The following ADH5 variants were observed in gnomAD, a reference collection of about 807,000 sequenced individuals.
ADH5 encodes alcohol dehydrogenase 5 (class III), chi polypeptide.
In ADH5, 32 loss-of-function variants were observed where a neutral mutation model predicts 40.3. That is an observed-to-expected ratio of 0.79 (90% CI 0.60 to 1.07). The LOEUF (loss-of-function observed/expected upper bound fraction) is 1.07. Among genes scored for constraint, ADH5 ranks in the 50% least tolerant of loss-of-function variants. The pLI, the probability that ADH5 is intolerant of heterozygous loss-of-function variation, is 0.00. For missense variants in ADH5, 353 were observed against 460.5 expected, an observed-to-expected ratio of 0.77 and a Z score of 2.14; for synonymous variants, 125 against 154.3, an observed-to-expected ratio of 0.81 and a Z score of 1.41.
chr4:99,076,657 G>T (rs767285695), intron 5 of ADH5, 47 bp downstream of exon 5: 12 of 1,600,930 alleles, frequency 7.5e-6, no homozygotes, highest in South Asian at 1.1e-5. Context: ...AAGTTTCACT[G>T]AATTAAATTA....
chr4:99,076,639 T>C, intron 5 of ADH5, 65 bp downstream of exon 5: 2 of 1,595,360 alleles, frequency 1.3e-6, no homozygotes, highest in South Asian at 1.1e-5. Flanking sequence ...AATTTCACTA[T>C]TCCAGGAAAG....
chr4:99,088,509 G>A (rs1224086233), intron 1 of ADH5, among the ~76,000 whole-genome samples, 180 bp downstream of exon 1: 1 of 142,996 alleles, frequency 7.0e-6, no homozygotes, highest in Admixed American at 7.4e-5. Flanking sequence ...CTGAAGAGCC[G>A]AGACAAAGCT....
chr4:99,084,168 G>A (rs930058894), intron 2 of ADH5, among the ~76,000 whole-genome samples: 4 of 152,178 alleles, frequency 2.6e-5, no homozygotes, highest in Non-Finnish European at 4.4e-5. Context: ...TTGAATAGGC[G>A]CTGGGTAAAA....
At chr4:99,081,518 T>C in intron 3 of ADH5, 66 bp from the exon 4 acceptor site, 1 of 1,155,536 alleles carries the variant, frequency 8.7e-7, no homozygotes, top group Non-Finnish European at 1.3e-6. Flanking sequence ...CATCAGCCCT[T>C]GCAAATTCCT....
chr4:99,087,942 G>C (rs923280027), intron 1 of ADH5, among the ~76,000 whole-genome samples: 2 of 152,182 alleles, frequency 1.3e-5, no homozygotes, highest in African/African-American at 4.8e-5. Flanking sequence ...AGCAACTTTA[G>C]ACTGAGTATG....
chr4:99,087,853 A>T (rs1154404), intron 1 of ADH5, among the ~76,000 whole-genome samples: 51,435 of 152,132 alleles, frequency 0.34, 10,336 homozygotes, highest in South Asian at 0.51. Flanking sequence ...TTTAGAGTTT[A>T]TTTCTTTCAA....
chr4:99,079,658 G>T (rs902362030), intron 4 of ADH5, among the ~76,000 whole-genome samples: 1 of 151,662 alleles, frequency 6.6e-6, no homozygotes, highest in Non-Finnish European at 1.5e-5. Flanking sequence ...AAAAAAAACG[G>T]AACACACACA....
intron 7 of ADH5, among the ~76,000 whole-genome samples, chr4:99,074,214 A>G (rs1462208364): frequency 2.6e-5 from 4 of 152,138 alleles, no homozygotes; most frequent in African/African-American, 9.7e-5. Flanking sequence ...ATATAAATAT[A>G]TATTTTTAAA....
chr4:99,075,112 G>A, intron 6 of ADH5, 63 bp from the exon 7 acceptor site: 4 of 1,392,200 alleles, frequency 2.9e-6, no homozygotes, highest in Non-Finnish European at 3.8e-6. Flanking sequence ...AACAACTGCT[G>A]GCGAAACTTC....
At position 99,072,686 on chromosome 4, in the gene ADH5, T is replaced by C; in HGVS notation, c.987A>G (p.Pro329=). 6.2e-7 allele frequency: 1 copy of C among 1,612,532 alleles called. No homozygotes were observed. Among genetic ancestry groups the C allele is most frequent in the Non-Finnish European group, 8.5e-7 (1 of 1,179,484 alleles). The change falls in exon 8 of 9, where the codon CCA becomes CCG. Residue 329 remains proline (P), a synonymous_variant. Transcript: ENST00000296412. The part of the protein sequence containing the change: ...FGGWKSVESV[P]KLVSEYMSKK... ...TGGACATATATTCAGACACCAACTT[T>C]GGGACACTTTCTACACTCTTCCATC... is the stretch of plus-strand genomic sequence containing the variant.
chr4:99,087,420 C>T (rs1728168106), intron 1 of ADH5, among the ~76,000 whole-genome samples: 4 of 151,102 alleles, frequency 2.6e-5, no homozygotes, highest in Admixed American at 2.6e-4. Flanking sequence ...GAAATGGCCT[C>T]TGTAAATTGG....
At chr4:99,088,111 C>G (rs1221624913) in intron 1 of ADH5, among the ~76,000 whole-genome samples, 1 of 152,148 alleles carries the variant, frequency 6.6e-6, no homozygotes, top group East Asian at 1.9e-4. Flanking sequence ...GATAACACCT[C>G]GCAGAGGTGT....
intron 7 of ADH5, among the ~76,000 whole-genome samples, chr4:99,073,117 CAT>C (rs1727862614): frequency 6.6e-6 from 1 of 152,218 alleles, no homozygotes; most frequent in African/African-American, 2.4e-5. Context: ...ATAGGGATAG[CAT>C]ATCAGAACAG....
rs1727895497 is a variant in ADH5, at chr4:99,074,987, A to G, written c.888T>C (p.Ala296=). Residue 296 remains alanine (A), a synonymous_variant, in exon 7 of 9, where the codon GCT becomes GCC. Transcript: ENST00000296412. ...WGVSVVVGVA[A]SGEEIATRPF... ...GACGAGTGGCAATTTCTTCACCTGA[A>G]GCAGCTACTCCAACCACGACGCTGA... is the stretch of plus-strand genomic sequence containing the variant. 6.2e-7 allele frequency: 1 copy of G among 1,613,396 alleles called. No individual in the cohort carries two copies. Among genetic ancestry groups the G allele is most frequent in the Non-Finnish European group, 8.5e-7 (1 of 1,179,532 alleles).
Position 99,075,132 on chromosome 4 carries a change from CAT to C in ADH5, c.826-85_826-84del, listed in dbSNP as rs1173420349. Reference sequence around the variant, plus strand: ...CTGCTGGCGAAACTTCTAGAGATGGCATAGTTTTTAAAGATAATGGCAACAAA... The same window carrying C: ...CTGCTGGCGAAACTTCTAGAGATGGCAGTTTTTAAAGATAATGGCAACAAA... On this transcript the variant is annotated intron_variant, in intron 6 of 8. Coordinates refer to ENST00000296412, the MANE Select transcript of ADH5 (RefSeq NM_000671.4). 11 of 1,283,558 alleles carry C rather than the reference CAT, an allele frequency of 8.6e-6. No homozygotes were observed. In the Admixed American group the frequency reaches 2.7e-4, roughly 32 times the overall value. 79.5% of individuals were successfully genotyped at this position (1,283,558 alleles called of 1,614,324 possible). A position where few individuals can be genotyped will look rare whatever the true frequency, so the allele number is the denominator to read the frequency against.
At chr4:99,085,089 TCCC>T in intron 2 of ADH5, 23 bp downstream of exon 2, 1 of 1,284,990 alleles carries the variant, frequency 7.8e-7, no homozygotes, top group Non-Finnish European at 1.0e-6. Context: ...TCTCTTTTTT[TCCC>T]AGTGCCTTAA....
At chr4:99,082,607 CCTTTTTA>C (rs1374535843) in intron 2 of ADH5, among the ~76,000 whole-genome samples, 1 of 152,164 alleles carries the variant, frequency 6.6e-6, no homozygotes, top group African/African-American at 2.4e-5. Flanking sequence ...GAACCAACTC[CCTTTTTA>C]CAAACCACAT....
In ADH5 at chr4:99,071,137, A is replaced by G. The variant is rs980880930; in HGVS notation, c.*1280T>C. 2.6e-5 allele frequency: 4 copies of G among 152,256 alleles called. No individual in the cohort carries two copies. The highest frequency in any genetic ancestry group is 7.2e-5 in the African/African-American group (3 of 41,466). 9.4% of individuals were successfully genotyped at this position (152,256 alleles called of 1,614,324 possible). On this transcript the variant is annotated 3_prime_UTR_variant, in exon 9 of 9. Coordinates refer to ENST00000296412, the MANE Select transcript of ADH5 (RefSeq NM_000671.4). Reference sequence around the variant, plus strand: ...AAATTATTCAGAGAAAAATAATTCAATACAAAGTTGAGCACAGGATATGAA... The same window carrying G: ...AAATTATTCAGAGAAAAATAATTCAGTACAAAGTTGAGCACAGGATATGAA...
At chr4:99,083,574 T>C (rs1398361527) in intron 2 of ADH5, among the ~76,000 whole-genome samples, 1 of 125,314 alleles carries the variant, frequency 8.0e-6, no homozygotes, top group African/African-American at 3.0e-5. Flanking sequence ...CACTCCAGCC[T>C]GGGCGACAGA....
Sources: gnomAD v4.1 joint callset for allele counts (sites outside exome capture counted in the v4.1 genomes callset) on GRCh38, gnomAD v4.1.1 for gene constraint, MANE v1.5 for transcripts, NCBI Gene and HGNC (gene_info 2026-07-23, HGNC 2026-07-21) for gene names.